The following PPARGC1A variants were observed in gnomAD, a reference collection of about 807,000 sequenced individuals.
PPARGC1A encodes the protein peroxisome proliferator-activated receptor gamma coactivator 1-alpha.
PPARGC1A carries 25 observed loss-of-function variants against 88.7 expected under a neutral mutation model. The ratio of observed to expected loss-of-function variants is 0.28; its 90% CI spans 0.21 to 0.39. The LOEUF is 0.39. Among genes scored for constraint, PPARGC1A ranks in the 10% least tolerant of loss-of-function variants. The probability of loss-of-function intolerance (pLI) is 1.00; values close to 1 mark genes in which losing one functional copy is unlikely to be tolerated. For missense variants in PPARGC1A, 880 were observed against 968.7 expected, an observed-to-expected ratio of 0.91 and a Z score of 1.22; for synonymous variants, 363 against 355.6, an observed-to-expected ratio of 1.02 and a Z score of -0.24.
intron 2 of PPARGC1A, among the ~76,000 whole-genome samples, chr4:23,854,163 C>T (rs776470186): frequency 6.6e-6 from 1 of 152,108 alleles, no homozygotes; most frequent in Non-Finnish European, 1.5e-5. Context: ...GACACAAGGC[C>T]ATGTGTACAT....
At chr4:23,796,132 G>T (rs532380812) in intron 12 of PPARGC1A, among the ~76,000 whole-genome samples, 1 of 152,030 alleles carries the variant, frequency 6.6e-6, no homozygotes, top group Non-Finnish European at 1.5e-5. Context: ...CTGTTGACTC[G>T]TTTAGGCTTA....
intron 7 of PPARGC1A, among the ~76,000 whole-genome samples, chr4:23,823,512 C>T (rs535314230): frequency 6.6e-6 from 1 of 152,036 alleles, no homozygotes; most frequent in Admixed American, 6.6e-5. Context: ...ATTGCTGGTC[C>T]TCACTGGTCA....
chr4:24,190,529 T>A, the PPARGC1A span, among the ~76,000 whole-genome samples: 1 of 151,812 alleles, frequency 6.6e-6, no homozygotes, highest in Admixed American at 6.6e-5. Flanking sequence ...AAATAAAAAT[T>A]AAAATAAAAT....
chr4:24,155,514 T>C, the PPARGC1A span, among the ~76,000 whole-genome samples: 4 of 151,772 alleles, frequency 2.6e-5, no homozygotes, highest in Non-Finnish European at 4.4e-5. Flanking sequence ...GGCATGAGGA[T>C]TGCTTAAGCC....
At chr4:23,865,435 T>G (rs1228475159) in intron 2 of PPARGC1A, among the ~76,000 whole-genome samples, 2 of 152,156 alleles carry the variant, frequency 1.3e-5, no homozygotes, top group Non-Finnish European at 2.9e-5. Flanking sequence ...GGGTAGTGAT[T>G]GACACTTAGC....
chr4:24,399,703 G>A, the PPARGC1A span, among the ~76,000 whole-genome samples: 2 of 151,902 alleles, frequency 1.3e-5, no homozygotes, highest in African/African-American at 4.8e-5. Flanking sequence ...CAATATTTTG[G>A]AAATGGGTAC....
At chr4:24,245,165 C>T in the PPARGC1A span, among the ~76,000 whole-genome samples, 322 of 152,306 alleles carry the variant, frequency 2.1e-3, 1 homozygote, top group Middle Eastern at 0.027. Context: ...ATGAATAACG[C>T]AATGTGCTGG....
the PPARGC1A span, among the ~76,000 whole-genome samples, chr4:24,353,211 T>C: frequency 1.4e-5 from 2 of 142,044 alleles, no homozygotes; most frequent in Non-Finnish European, 1.5e-5. Flanking sequence ...TTTTTTCAAA[T>C]CCTCTTTCGT....
the PPARGC1A span, among the ~76,000 whole-genome samples, chr4:24,030,103 C>T: frequency 0.57 from 87,220 of 151,988 alleles, 25,447 homozygotes; most frequent in African/African-American, 0.63. Context: ...GGACAACAGA[C>T]CATTGACCAA....
the PPARGC1A span, among the ~76,000 whole-genome samples, chr4:23,972,508 T>C: frequency 1.3e-5 from 2 of 152,224 alleles, no homozygotes; most frequent in South Asian, 4.1e-4. Context: ...GGAATATACA[T>C]GTGCTTACTT....
the PPARGC1A span, among the ~76,000 whole-genome samples, chr4:24,301,719 C>G: frequency 1.3e-5 from 2 of 151,320 alleles, no homozygotes; most frequent in African/African-American, 2.4e-5. Flanking sequence ...GACTAACAAT[C>G]ATTATCTACA....
intron 2 of PPARGC1A, 86 bp from the exon 3 acceptor site, chr4:23,831,837 G>A: frequency 9.5e-7 from 1 of 1,051,100 alleles, no homozygotes; most frequent in Non-Finnish European, 1.4e-6. Context: ...CCAAATGAGT[G>A]AACCATACGT....
chr4:23,885,623 G>A lies in PPARGC1A; in HGVS notation c.55-692C>T, dbSNP rs58356611. 4.7e-3 allele frequency among the ~76,000 whole-genome samples: 702 copies of A among 150,494 alleles called. 3 individuals carry two copies. The highest frequency in any genetic ancestry group is 0.016 in the African/African-American group (661 of 41,066). On this transcript the variant is annotated intron_variant, in intron 1 of 12. Coordinates refer to ENST00000264867, the MANE Select transcript of PPARGC1A (RefSeq NM_013261.5). ...AAAAATCATAATTTTTTTTCTATAC[G>A]GCTTTTGTATGTAACTTGCAAGATG...
At chr4:23,844,612 ATATAT>A (rs1244667319) in intron 2 of PPARGC1A, among the ~76,000 whole-genome samples, 20 of 95,788 alleles carry the variant, frequency 2.1e-4, no homozygotes, top group East Asian at 2.7e-4. Flanking sequence ...TTATATAGTA[ATATAT>A]TATATTAATA....
chr4:24,370,169 A>G, the PPARGC1A span, among the ~76,000 whole-genome samples: 1 of 152,170 alleles, frequency 6.6e-6, no homozygotes, highest in Non-Finnish European at 1.5e-5. Flanking sequence ...TCTTCTATCT[A>G]TAGCAAGTGA....
the PPARGC1A span, among the ~76,000 whole-genome samples, chr4:24,398,488 A>G: frequency 5.3e-5 from 8 of 152,156 alleles, no homozygotes; most frequent in Non-Finnish European, 1.0e-4. Context: ...TTTTTGATAC[A>G]TACATTATTT....
the PPARGC1A span, among the ~76,000 whole-genome samples, chr4:24,315,719 T>C: frequency 6.6e-6 from 1 of 152,194 alleles, no homozygotes; most frequent in Non-Finnish European, 1.5e-5. Context: ...CCAGGGATGC[T>C]GGTAAACATC....
At chr4:24,469,194 C>T in the PPARGC1A span, among the ~76,000 whole-genome samples, 1 of 152,340 alleles carries the variant, frequency 6.6e-6, no homozygotes, top group African/African-American at 2.4e-5. Flanking sequence ...AGCAGCTCTG[C>T]CCGAGTCCAA....
At chr4:24,055,963 C>G in the PPARGC1A span, among the ~76,000 whole-genome samples, 1 of 152,220 alleles carries the variant, frequency 6.6e-6, no homozygotes, top group East Asian at 1.9e-4. Context: ...AAGCTTGATT[C>G]TCTAACACAC....
Sources: gnomAD v4.1 joint callset for allele counts (sites outside exome capture counted in the v4.1 genomes callset) on GRCh38, gnomAD v4.1.1 for gene constraint, MANE v1.5 for transcripts, NCBI Gene and HGNC (gene_info 2026-07-23, HGNC 2026-07-21) for gene names.